CELF2: variants seen among roughly 807,000 people sequenced by gnomAD.
CELF2 encodes CUG triplet repeat RNA-binding protein 2.
A neutral mutation model predicts 62.6 loss-of-function variants in CELF2; 8 were observed. The ratio of observed to expected loss-of-function variants is 0.13; its 90% CI spans 0.07 to 0.23. The LOEUF (loss-of-function observed/expected upper bound fraction) is 0.23. CELF2 is among the 10% of genes least tolerant of loss of function. The pLI is 1.00. For missense variants in CELF2, 333 were observed against 671.0 expected (o/e 0.50, Z 5.56); for synonymous variants, 258 against 250.0 (o/e 1.03, Z -0.30).
Position 10,887,126 on chromosome 10 carries a change from A to G in CELF2, c.54-32838A>G, listed in dbSNP as rs561539385. Among the ~76,000 whole-genome samples, 211 of 150,774 alleles carry G rather than the reference A, an allele frequency of 1.4e-3. 1 individual carries two copies. The highest frequency in any genetic ancestry group is 5.6e-3 in the East Asian group (29 of 5,148). ...AGCTATTCCTTCCCAGATTTGTAGC[A>G]TTGTTACTCTTTTTTTTTTTTTCCT... On this transcript the variant is annotated intron_variant, in intron 1 of 13. Coordinates refer to the CELF2 transcript ENST00000636488.
At position 11,039,430 on chromosome 10, in the gene CELF2, G is replaced by A. The variant is rs913691515; in HGVS notation, c.74+21267G>A. ...CTCCAACCTACTTCTTATGCTGGTTGTGTGAATTATACCATTAGGGTGGTG... is the reference window on the plus strand; with the variant it reads ...CTCCAACCTACTTCTTATGCTGGTTATGTGAATTATACCATTAGGGTGGTG... On this transcript the variant is annotated intron_variant, in intron 1 of 12. Transcript: ENST00000633077. The surrounding 1 kb of genome is among the most constrained non-coding windows in gnomAD (Gnocchi z 4.1). Among the ~76,000 whole-genome samples the A allele has an allele frequency of 9.9e-5, 15 of 152,182 alleles. No homozygotes were observed. The highest frequency in any genetic ancestry group is 3.4e-4 in the African/African-American group (14 of 41,446).
chr10:10,619,784 A>G, the CELF2 span, among the ~76,000 whole-genome samples: 1 of 152,284 alleles, frequency 6.6e-6, no homozygotes, highest in East Asian at 1.9e-4. Flanking sequence ...TGGGGGTAGA[A>G]ATTGAGACCC....
chr10:10,861,839 T>C lies in CELF2; in HGVS notation c.54-58125T>C, dbSNP rs567478616. 2.0e-5 allele frequency among the ~76,000 whole-genome samples: 3 copies of C among 152,228 alleles called. No individual in the cohort carries two copies. The South Asian group carries it at 6.2e-4, about 31-fold the overall frequency. On this transcript the variant is annotated intron_variant, in intron 1 of 13. Coordinates refer to the CELF2 transcript ENST00000636488. The stretch of plus-strand genomic sequence containing the variant: ...AAACTAAGACAGAAGATAATTAATA[T>C]GCTCAAAGTTAGACAAAGGCCCTTG...
chr10:10,599,728 T>TC, the CELF2 span, among the ~76,000 whole-genome samples: 41 of 142,660 alleles, frequency 2.9e-4, no homozygotes, highest in African/African-American at 9.5e-4. Context: ...TTTCTTTCTT[T>TC]TTTTTTTTTT....
intron 1 of CELF2, among the ~76,000 whole-genome samples, chr10:10,863,453 T>C (rs1591314919): frequency 6.6e-6 from 1 of 152,330 alleles, no homozygotes; most frequent in East Asian, 1.9e-4. Flanking sequence ...CCAGCTCTGA[T>C]GTTGACGAGC....
chr10:10,833,950 TC>T (rs750159677), intron 1 of CELF2, among the ~76,000 whole-genome samples: 17 of 152,294 alleles, frequency 1.1e-4, no homozygotes, highest in Non-Finnish European at 1.3e-4. Flanking sequence ...AACCCAGCAA[TC>T]CCATTCCTGG....
At chr10:10,563,688 C>T in the CELF2 span, among the ~76,000 whole-genome samples, 1 of 151,250 alleles carries the variant, frequency 6.6e-6, no homozygotes, top group Admixed American at 6.6e-5. Flanking sequence ...TTCCTGTACT[C>T]GCTGATCATT....
At chr10:10,962,666 A>G (rs1400264368) in intron 2 of CELF2, among the ~76,000 whole-genome samples, 2 of 152,220 alleles carry the variant, frequency 1.3e-5, no homozygotes, top group East Asian at 3.9e-4. Context: ...CTGAAGCTTC[A>G]GTGAGCCATG....
the CELF2 span, among the ~76,000 whole-genome samples, chr10:10,761,718 C>T: frequency 0.011 from 1,628 of 152,236 alleles, 20 homozygotes; most frequent in Non-Finnish European, 0.015. Flanking sequence ...CAAACTGAAA[C>T]GTTAGCTCTG....
chr10:10,754,061 G>GT, the CELF2 span, among the ~76,000 whole-genome samples: 45 of 85,046 alleles, frequency 5.3e-4, no homozygotes, highest in South Asian at 9.2e-4. Context: ...TGCTGAGGTG[G>GT]TTTTTTTTTT....
intron 1 of CELF2, among the ~76,000 whole-genome samples, chr10:11,060,097 A>G (rs1293790118): frequency 1.3e-5 from 2 of 152,188 alleles, no homozygotes; most frequent in African/African-American, 4.8e-5. Context: ...CTTCCTTGTG[A>G]ATGGAGATTA....
intron 1 of CELF2, among the ~76,000 whole-genome samples, chr10:10,904,815 G>A (rs2063208408): frequency 6.6e-6 from 1 of 152,152 alleles, no homozygotes; most frequent in African/African-American, 2.4e-5. Context: ...CTTCTAATGT[G>A]CATATATACA....
chr10:10,504,749 T>C, the CELF2 span, among the ~76,000 whole-genome samples: 3 of 152,142 alleles, frequency 2.0e-5, no homozygotes, highest in African/African-American at 7.2e-5. Context: ...TGTATTTCTC[T>C]CTATTCAGAA....
At chr10:10,986,727 A>C (rs779689232) in intron 2 of CELF2, among the ~76,000 whole-genome samples, 2 of 152,214 alleles carry the variant, frequency 1.3e-5, no homozygotes, top group Non-Finnish European at 2.9e-5. Context: ...TGTAACGGGC[A>C]TTTCCACCAA....
chr10:10,887,436 C>T lies in CELF2; in HGVS notation c.54-32528C>T, dbSNP rs117065650. Among the ~76,000 whole-genome samples the T allele has an allele frequency of 4.6e-5, 7 of 152,258 alleles. No individual in the cohort carries two copies. In the East Asian group the frequency reaches 9.7e-4, roughly 21 times the overall value. ...TAAGCAGTTCAGGCAGGCGTTTCAG[C>T]GCATATTATTATGACAGGGTGGTAG... is the stretch of plus-strand genomic sequence containing the variant. On this transcript the variant is annotated intron_variant, in intron 1 of 13. Transcript: ENST00000636488.
At chr10:10,695,105 T>C in the CELF2 span, among the ~76,000 whole-genome samples, 57 of 150,198 alleles carry the variant, frequency 3.8e-4, no homozygotes, top group South Asian at 3.9e-3. Context: ...CTAGTCTCGA[T>C]GGTCTTTACA....
At chr10:10,753,117 A>G in the CELF2 span, among the ~76,000 whole-genome samples, 2 of 152,238 alleles carry the variant, frequency 1.3e-5, no homozygotes, top group East Asian at 3.8e-4. Flanking sequence ...AATATTAAAA[A>G]GGTAAGCATT....
At chr10:10,885,721 A>C (rs1242443524) in intron 1 of CELF2, among the ~76,000 whole-genome samples, 1 of 152,270 alleles carries the variant, frequency 6.6e-6, no homozygotes, top group East Asian at 1.9e-4. Flanking sequence ...AGGTCCTAGA[A>C]AGAATTCATT....
At chr10:10,762,078 A>AT in the CELF2 span, among the ~76,000 whole-genome samples, 1 of 152,164 alleles carries the variant, frequency 6.6e-6, no homozygotes, top group Non-Finnish European at 1.5e-5. Context: ...AAATGAATTC[A>AT]TTAGAACTGA....
Sources: allele counts gnomAD v4.1 joint callset (sites outside exome capture counted in the v4.1 genomes callset), GRCh38; gene constraint gnomAD v4.1.1; non-coding constraint Gnocchi (gnomAD v3.1); transcripts MANE v1.5; gene names NCBI Gene and HGNC (gene_info 2026-07-23, HGNC 2026-07-21).